The following CACNA2D3 variants were observed in gnomAD, a reference collection of about 807,000 sequenced individuals.
The protein encoded by CACNA2D3 is calcium voltage-gated channel auxiliary subunit alpha2delta 3.
In CACNA2D3, 60 loss-of-function variants were observed where a neutral mutation model predicts 160.6. The observed-to-expected ratio is 0.37, with a 90% confidence interval of 0.30 to 0.46. CACNA2D3 has a LOEUF of 0.46. Among genes scored for constraint, CACNA2D3 ranks in the 20% least tolerant of loss-of-function variants. The pLI is 1.00. For missense variants in CACNA2D3, 1,205 were observed against 1,365.0 expected (o/e 0.88, Z 1.85); for synonymous variants, 558 against 492.9 (o/e 1.13, Z -1.75).
chr3:54,270,269 G>A (rs1428730244), intron 2 of CACNA2D3, among the ~76,000 whole-genome samples: 1 of 152,148 alleles, frequency 6.6e-6, no homozygotes, highest in Non-Finnish European at 1.5e-5. Context: ...TTTCATTTTG[G>A]AGATGATTTA....
At chr3:54,946,687 A>G (rs6778581) in intron 27 of CACNA2D3, among the ~76,000 whole-genome samples, 40,128 of 151,796 alleles carry the variant, frequency 0.26, 5,623 homozygotes, top group African/African-American at 0.35. Flanking sequence ...ATTTTGGCCA[A>G]CCTCAGAAAA....
At chr3:54,551,489 G>A (rs528041395) in intron 5 of CACNA2D3, among the ~76,000 whole-genome samples, 2 of 152,276 alleles carry the variant, frequency 1.3e-5, no homozygotes, top group East Asian at 1.9e-4. Context: ...AAGAGTTAAC[G>A]TAAAGGGAAC....
intron 4 of CACNA2D3, among the ~76,000 whole-genome samples, chr3:54,418,748 G>T (rs1303643343): frequency 6.6e-6 from 1 of 152,134 alleles, no homozygotes; most frequent in Admixed American, 6.5e-5. Flanking sequence ...AGGGTGTCAG[G>T]CTCCCACAGG....
chr3:54,777,304 G>A (rs1381781304), intron 13 of CACNA2D3, among the ~76,000 whole-genome samples: 1 of 152,120 alleles, frequency 6.6e-6, no homozygotes, highest in Non-Finnish European at 1.5e-5. Flanking sequence ...TGCCTCCCCT[G>A]CCTTCATGAC....
intron 2 of CACNA2D3, among the ~76,000 whole-genome samples, chr3:54,271,824 C>G (rs1702627791): frequency 6.6e-6 from 1 of 152,198 alleles, no homozygotes; most frequent in African/African-American, 2.4e-5. Flanking sequence ...GACATCCTTG[C>G]TCCCAATCAC....
chr3:55,035,276 CTT>C (rs1356540979), intron 35 of CACNA2D3, among the ~76,000 whole-genome samples: 1 of 152,134 alleles, frequency 6.6e-6, no homozygotes, highest in African/African-American at 2.4e-5. Flanking sequence ...ACGGTATTGA[CTT>C]TTCTAGCAGG....
At chr3:54,867,986 C>T (rs754392799) in intron 17 of CACNA2D3, among the ~76,000 whole-genome samples, 8 of 152,104 alleles carry the variant, frequency 5.3e-5, no homozygotes, top group African/African-American at 1.2e-4. Flanking sequence ...ACAGGAAAAC[C>T]GAGGTGATTA....
chr3:54,462,368 A>G (rs945212084), intron 4 of CACNA2D3, among the ~76,000 whole-genome samples: 4 of 152,192 alleles, frequency 2.6e-5, no homozygotes, highest in Non-Finnish European at 5.9e-5. Flanking sequence ...TAATGTTGAC[A>G]GTGGGGTGTT....
At chr3:54,388,728 T>C (rs868682345) in intron 4 of CACNA2D3, among the ~76,000 whole-genome samples, 5 of 152,288 alleles carry the variant, frequency 3.3e-5, no homozygotes, top group Middle Eastern at 6.8e-3. Context: ...TTTGTCTTCT[T>C]TGAGCCTGAT....
chr3:54,211,559 C>A (rs1701371669), intron 2 of CACNA2D3, among the ~76,000 whole-genome samples: 1 of 152,184 alleles, frequency 6.6e-6, no homozygotes, highest in African/African-American at 2.4e-5. Flanking sequence ...ACCTTGGAAC[C>A]TTACCCCTGA....
chr3:54,539,544 C>G (rs1701938875), intron 5 of CACNA2D3, among the ~76,000 whole-genome samples: 1 of 152,182 alleles, frequency 6.6e-6, no homozygotes, highest in Non-Finnish European at 1.5e-5. Context: ...GTGTGCGTCT[C>G]TTTGCCTTCC....
intron 9 of CACNA2D3, among the ~76,000 whole-genome samples, chr3:54,586,703 C>G (rs528668495): frequency 7.2e-5 from 11 of 152,280 alleles, no homozygotes; most frequent in Non-Finnish European, 1.3e-4. Context: ...AGCACTCTAT[C>G]TAAATAACAG....
chr3:54,723,007 G>A (rs565502848), intron 11 of CACNA2D3, among the ~76,000 whole-genome samples: 6 of 152,304 alleles, frequency 3.9e-5, no homozygotes, highest in South Asian at 4.2e-4. Flanking sequence ...CGCCCCCTCC[G>A]CCAGGTACTC....
chr3:54,458,902 C>T (rs1429503235), intron 4 of CACNA2D3, among the ~76,000 whole-genome samples: 6 of 152,160 alleles, frequency 3.9e-5, no homozygotes, highest in Non-Finnish European at 8.8e-5. Context: ...AGGTATATCT[C>T]CTAATGCTAT....
intron 9 of CACNA2D3, chr3:54,626,199 C>T (rs568177643): frequency 1.3e-6 from 1 of 798,786 alleles, no homozygotes; most frequent in Non-Finnish European, 2.1e-6. Flanking sequence ...GAGCTCTTTT[C>T]TGAGGATCCG....
chr3:54,953,783 G>C (rs1701815585), intron 27 of CACNA2D3, among the ~76,000 whole-genome samples: 1 of 152,092 alleles, frequency 6.6e-6, no homozygotes. Context: ...ACTGGGAGTG[G>C]GTGAGGGGGG....
At chr3:54,427,908 C>T (rs1038832290) in intron 4 of CACNA2D3, among the ~76,000 whole-genome samples, 2 of 152,156 alleles carry the variant, frequency 1.3e-5, no homozygotes, top group Admixed American at 6.5e-5. Context: ...GCTTCTTTTG[C>T]GGGCTTTTAA....
At chr3:55,034,489 T>C (rs1179721419) in intron 35 of CACNA2D3, among the ~76,000 whole-genome samples, 1 of 152,070 alleles carries the variant, frequency 6.6e-6, no homozygotes, top group East Asian at 1.9e-4. Flanking sequence ...ATATATTGCA[T>C]TAAAAGCATA....
At chr3:54,822,159 T>C (rs1164911055) in intron 14 of CACNA2D3, among the ~76,000 whole-genome samples, 1 of 152,222 alleles carries the variant, frequency 6.6e-6, no homozygotes, top group Non-Finnish European at 1.5e-5. Context: ...TATAGTAACA[T>C]GTAAGGTACT....
Sources: gnomAD v4.1 joint callset for allele counts (sites outside exome capture counted in the v4.1 genomes callset) on GRCh38, gnomAD v4.1.1 for gene constraint, MANE v1.5 for transcripts, NCBI Gene and HGNC (gene_info 2026-07-23, HGNC 2026-07-21) for gene names.